The following MEGF11 variants were observed in gnomAD, a reference collection of about 807,000 sequenced individuals.
MEGF11 encodes multiple epidermal growth factor-like domains protein 11.
MEGF11 carries 126 observed loss-of-function variants against 146.6 expected under a neutral mutation model. The ratio of observed to expected loss-of-function variants is 0.86; its 90% CI spans 0.74 to 1.00. The LOEUF is 1.00. MEGF11 is among the 50% of genes least tolerant of loss of function. MEGF11 has a pLI of 0.00. For missense variants in MEGF11, 1,509 were observed against 1,521.2 expected, an observed-to-expected ratio of 0.99 and a Z score of 0.13; for synonymous variants, 532 against 583.4, an observed-to-expected ratio of 0.91 and a Z score of 1.27.
chr15:65,946,550 G>A (rs950996226), intron 10 of MEGF11, among the ~76,000 whole-genome samples: 1 of 152,136 alleles, frequency 6.6e-6, no homozygotes, highest in East Asian at 1.9e-4. Flanking sequence ...CCACCACCAT[G>A]CCCGGCTAAT....
chr15:65,976,588 C>T (rs2081456711), intron 7 of MEGF11, among the ~76,000 whole-genome samples: 1 of 152,224 alleles, frequency 6.6e-6, no homozygotes, highest in South Asian at 2.1e-4. Flanking sequence ...ACGCTGCCGA[C>T]ACCTTGATCT....
chr15:65,947,102 C>A (rs1366209721), intron 10 of MEGF11, among the ~76,000 whole-genome samples: 1 of 152,004 alleles, frequency 6.6e-6, no homozygotes, highest in Non-Finnish European at 1.5e-5. Flanking sequence ...TCTTATTAGC[C>A]CCACTTTGAA....
intron 1 of MEGF11, among the ~76,000 whole-genome samples, chr15:66,237,888 G>A (rs2092129379): frequency 6.6e-6 from 1 of 152,186 alleles, no homozygotes; most frequent in South Asian, 2.1e-4. Context: ...TGTGGCATTA[G>A]ATGTATTTTA....
At chr15:65,934,634 G>A (rs377071673) in intron 10 of MEGF11, among the ~76,000 whole-genome samples, 1 of 152,206 alleles carries the variant, frequency 6.6e-6, no homozygotes, top group Non-Finnish European at 1.5e-5. Flanking sequence ...GGCAGGATTA[G>A]AAAGTTGGGA....
At chr15:66,076,891 T>C (rs778568870) in intron 5 of MEGF11, among the ~76,000 whole-genome samples, 1 of 152,206 alleles carries the variant, frequency 6.6e-6, no homozygotes, top group Non-Finnish European at 1.5e-5. Flanking sequence ...AAGTAGAGCA[T>C]TGCCCAGCTA....
At chr15:66,014,920 C>T (rs542880813) in intron 5 of MEGF11, among the ~76,000 whole-genome samples, 1 of 152,066 alleles carries the variant, frequency 6.6e-6, no homozygotes, top group East Asian at 1.9e-4. Flanking sequence ...CCAGCTGTAA[C>T]CTAGTCAGGG....
intron 1 of MEGF11, among the ~76,000 whole-genome samples, chr15:66,211,478 G>C (rs1041643887): frequency 1.7e-4 from 26 of 149,258 alleles, no homozygotes; most frequent in African/African-American, 3.0e-4. Context: ...GAGCCAAGAT[G>C]GCACCACTGC....
At chr15:65,903,959 A>G (rs2141147659) in intron 24 of MEGF11, among the ~76,000 whole-genome samples, 1 of 152,334 alleles carries the variant, frequency 6.6e-6, no homozygotes, top group Non-Finnish European at 1.5e-5. Context: ...AGAGTGGTAA[A>G]ATAAGATCTG....
At chr15:66,231,582 C>A (rs1038253460) in intron 1 of MEGF11, among the ~76,000 whole-genome samples, 1 of 152,122 alleles carries the variant, frequency 6.6e-6, no homozygotes, top group African/African-American at 2.4e-5. Context: ...ATGCTCCAAC[C>A]GTCTCCTGAG....
chr15:66,099,242 G>GT (rs1255520752), intron 4 of MEGF11, among the ~76,000 whole-genome samples: 2 of 131,614 alleles, frequency 1.5e-5, no homozygotes, highest in Admixed American at 1.9e-4. Context: ...TCTTGCTCTG[G>GT]TGCAATCTCG....
intron 5 of MEGF11, among the ~76,000 whole-genome samples, chr15:66,080,632 A>G (rs1597062434): frequency 6.6e-6 from 1 of 152,268 alleles, no homozygotes; most frequent in South Asian, 2.1e-4. Context: ...GAGGAAGTCA[A>G]GGATGGAGAA....
At chr15:65,963,384 G>C (rs1163268150) in intron 9 of MEGF11, among the ~76,000 whole-genome samples, 1 of 151,204 alleles carries the variant, frequency 6.6e-6, no homozygotes, top group Non-Finnish European at 1.5e-5. Flanking sequence ...TTGGGCACAT[G>C]TTGGGACCCA....
chr15:66,188,557 C>A (rs2090776201), intron 1 of MEGF11, among the ~76,000 whole-genome samples: 1 of 152,202 alleles, frequency 6.6e-6, no homozygotes. Flanking sequence ...CCCATACTGG[C>A]TTGGTTCTGG....
At chr15:65,974,934 C>T (rs924650284) in intron 7 of MEGF11, among the ~76,000 whole-genome samples, 2 of 152,044 alleles carry the variant, frequency 1.3e-5, no homozygotes, top group Non-Finnish European at 2.9e-5. Flanking sequence ...CAACCTCCAC[C>T]TCCTGAGTTC....
At chr15:66,136,638 T>G (rs1224830014) in intron 1 of MEGF11, among the ~76,000 whole-genome samples, 1 of 152,356 alleles carries the variant, frequency 6.6e-6, no homozygotes, top group East Asian at 1.9e-4. Context: ...TTAACATATA[T>G]CTTTAACCCA....
At chr15:66,252,585 C>A (rs796415769) in intron 1 of MEGF11, among the ~76,000 whole-genome samples, 46 of 152,312 alleles carry the variant, frequency 3.0e-4, no homozygotes, top group African/African-American at 1.0e-3. Flanking sequence ...GCCGCCCGGG[C>A]TCGGGGGCTC....
intron 5 of MEGF11, among the ~76,000 whole-genome samples, chr15:66,073,521 G>A (rs1323591228): frequency 6.6e-6 from 1 of 152,220 alleles, no homozygotes; most frequent in Non-Finnish European, 1.5e-5. Context: ...GTACAGTCCT[G>A]AGCTGCTTCA....
In MEGF11 at chr15:66,212,058, G is replaced by C. The variant is rs1003830824; in HGVS notation, c.-9+41547C>G. On this transcript the variant is annotated intron_variant, in intron 1 of 25. Transcript: ENST00000395614. ...GCAGCCACTGCCAGGGCCCAGGCAG[G>C]GGGAGACAGCCCAACCTCCCTCTCC... is the stretch of plus-strand genomic sequence containing the variant. 9.3e-3 allele frequency among the ~76,000 whole-genome samples: 9 copies of C among 966 alleles called. No individual in the cohort carries two copies. The Admixed American group carries it at 0.1, about 11-fold the overall frequency. 0.6% of individuals were successfully genotyped at this position (966 alleles called of 152,430 possible).
chr15:65,992,450 T>TGTAG (rs776847440), intron 5 of MEGF11, among the ~76,000 whole-genome samples: 24 of 126,630 alleles, frequency 1.9e-4, no homozygotes, highest in African/African-American at 6.4e-4. Context: ...TGTGTGTGTG[T>TGTAG]GGGGGGGGGG....
Sources: allele counts gnomAD v4.1 joint callset (sites outside exome capture counted in the v4.1 genomes callset), GRCh38; gene constraint gnomAD v4.1.1; transcripts MANE v1.5; gene names NCBI Gene and HGNC (gene_info 2026-07-23, HGNC 2026-07-21).